MACROD2: variants seen among roughly 807,000 people sequenced by gnomAD.
The protein encoded by MACROD2 is ADP-ribose glycohydrolase MACROD2.
MACROD2 carries 36 observed loss-of-function variants against 70.4 expected under a neutral mutation model. That is an observed-to-expected ratio of 0.51 (90% CI 0.39 to 0.68). The LOEUF is 0.68. Among genes scored for constraint, MACROD2 ranks in the 30% least tolerant of loss-of-function variants. The pLI is 0.00. For synonymous variants in MACROD2, 172 were observed against 178.8 expected (o/e 0.96, Z 0.30); for missense variants, 496 against 538.4 (o/e 0.92, Z 0.78).
intron 5 of MACROD2, among the ~76,000 whole-genome samples, chr20:14,830,762 A>G (rs16995051): frequency 0.13 from 19,593 of 152,128 alleles, 1,438 homozygotes; most frequent in Middle Eastern, 0.27. Flanking sequence ...CACCTACGTG[A>G]TAGCACAGTT....
chr20:15,060,997 C>T (rs911605873), intron 5 of MACROD2, among the ~76,000 whole-genome samples: 4 of 152,034 alleles, frequency 2.6e-5, no homozygotes, highest in African/African-American at 9.7e-5. Flanking sequence ...GTAGCAGGCA[C>T]CCTGTATGGG....
chr20:15,028,804 A>G (rs537520833), intron 5 of MACROD2, among the ~76,000 whole-genome samples: 35 of 152,332 alleles, frequency 2.3e-4, no homozygotes, highest in African/African-American at 7.5e-4. Flanking sequence ...GGTCAGAAAG[A>G]GCATGGCATT....
At chr20:15,549,927 A>G (rs2048073595) in intron 8 of MACROD2, among the ~76,000 whole-genome samples, 1 of 151,986 alleles carries the variant, frequency 6.6e-6, no homozygotes. Context: ...TCCAAATGCG[A>G]CATATATACC....
chr20:15,653,733 T>G (rs937250391), intron 8 of MACROD2, among the ~76,000 whole-genome samples: 10 of 152,138 alleles, frequency 6.6e-5, no homozygotes, highest in Admixed American at 2.0e-4. Context: ...ACCAGTGCAC[T>G]GGGTTGTTGG....
chr20:15,564,492 C>T (rs1234966872), intron 8 of MACROD2, among the ~76,000 whole-genome samples: 6 of 152,060 alleles, frequency 3.9e-5, no homozygotes, highest in Admixed American at 3.9e-4. Context: ...TTTTATTGTA[C>T]CTCTGACATT....
At chr20:15,263,267 A>T (rs1032789859) in intron 6 of MACROD2, among the ~76,000 whole-genome samples, 1 of 151,522 alleles carries the variant, frequency 6.6e-6, no homozygotes, top group Admixed American at 6.6e-5. Context: ...ATAGATATTC[A>T]GTTTTCCTAG....
intron 5 of MACROD2, among the ~76,000 whole-genome samples, chr20:15,053,881 A>G (rs1016420751): frequency 1.3e-5 from 2 of 152,254 alleles, no homozygotes; most frequent in Non-Finnish European, 2.9e-5. Context: ...TGGGAGGAGG[A>G]CAAAATATCA....
At chr20:15,680,140 A>G (rs1387971294) in intron 8 of MACROD2, among the ~76,000 whole-genome samples, 1 of 152,090 alleles carries the variant, frequency 6.6e-6, no homozygotes, top group Non-Finnish European at 1.5e-5. Flanking sequence ...CTGGTCTCAT[A>G]AAAAAAGTGC....
At chr20:15,112,644 A>G (rs2075963536) in intron 5 of MACROD2, among the ~76,000 whole-genome samples, 2 of 152,222 alleles carry the variant, frequency 1.3e-5, no homozygotes, top group South Asian at 4.1e-4. Flanking sequence ...TTAAACACGT[A>G]TAACAAAAAT....
chr20:14,128,545 G>C (rs530552523), intron 3 of MACROD2, among the ~76,000 whole-genome samples: 2 of 152,190 alleles, frequency 1.3e-5, no homozygotes, highest in Non-Finnish European at 2.9e-5. Flanking sequence ...AAGTTATCCA[G>C]AAGACCTAGG....
intron 13 of MACROD2, among the ~76,000 whole-genome samples, chr20:15,980,869 T>C (rs760381988): frequency 6.6e-6 from 1 of 152,218 alleles, no homozygotes; most frequent in African/African-American, 2.4e-5. Flanking sequence ...CCGGTTTTAT[T>C]AGTGATGATT....
chr20:14,173,610 T>C (rs1311078452), intron 3 of MACROD2, among the ~76,000 whole-genome samples: 2 of 152,248 alleles, frequency 1.3e-5, no homozygotes, highest in Non-Finnish European at 2.9e-5. Flanking sequence ...TGAATTCTTT[T>C]TCTGGCAATT....
At chr20:14,071,512 G>A (rs151130356) in intron 2 of MACROD2, among the ~76,000 whole-genome samples, 266 of 151,768 alleles carry the variant, frequency 1.8e-3, no homozygotes, top group Middle Eastern at 6.8e-3. Flanking sequence ...CACCTACCTC[G>A]GCCTCCCAAA....
chr20:14,213,361 C>CAA (rs60009822), intron 3 of MACROD2, among the ~76,000 whole-genome samples: 680 of 30,254 alleles, frequency 0.022, 233 homozygotes, highest in African/African-American at 0.082. Flanking sequence ...CTTCTAGTGG[C>CAA]AAAAAAAAAA....
At chr20:15,133,643 T>C (rs4610131) in intron 5 of MACROD2, among the ~76,000 whole-genome samples, 94,135 of 151,854 alleles carry the variant, frequency 0.62, 29,468 homozygotes, top group African/African-American at 0.7. Flanking sequence ...TGACCAAAAA[T>C]GTTTTCACTG....
intron 8 of MACROD2, among the ~76,000 whole-genome samples, chr20:15,808,802 T>C (rs2063792368): frequency 6.6e-6 from 1 of 152,226 alleles, no homozygotes; most frequent in Admixed American, 6.5e-5. Flanking sequence ...AGGAGGCTCA[T>C]ATTCCAATAT....
intron 5 of MACROD2, among the ~76,000 whole-genome samples, chr20:14,834,357 T>C (rs2073005368): frequency 6.6e-6 from 1 of 151,918 alleles, no homozygotes; most frequent in Non-Finnish European, 1.5e-5. Context: ...AGAAAACTGT[T>C]TTTATAGCCT....
At chr20:15,863,416 A>G (rs933511509) in intron 9 of MACROD2, among the ~76,000 whole-genome samples, 2 of 152,182 alleles carry the variant, frequency 1.3e-5, no homozygotes, top group South Asian at 2.1e-4. Flanking sequence ...ATGTATTTAC[A>G]TCGATTGAAT....
chr20:15,748,852 G>A (rs990971308), intron 8 of MACROD2, among the ~76,000 whole-genome samples: 1 of 152,080 alleles, frequency 6.6e-6, no homozygotes, highest in Non-Finnish European at 1.5e-5. Flanking sequence ...ATACTGTGTG[G>A]GGAGGTGGAG....
Sources: gnomAD v4.1 joint callset for allele counts (sites outside exome capture counted in the v4.1 genomes callset) on GRCh38, gnomAD v4.1.1 for gene constraint, MANE v1.5 for transcripts, NCBI Gene and HGNC (gene_info 2026-07-23, HGNC 2026-07-21) for gene names.